Variants in FPR3 observed in about 807,000 individuals in gnomAD.
The protein encoded by FPR3 is N-formyl peptide receptor 3.
For missense variants in FPR3, 346 were observed against 443.2 expected, an observed-to-expected ratio of 0.78 and a Z score of 1.97; for synonymous variants, 135 against 163.6, an observed-to-expected ratio of 0.83 and a Z score of 1.34.
chr19:51,805,655 C>T lies in FPR3; in HGVS notation c.-11+10324C>T, dbSNP rs1171643822. On this transcript the variant is annotated intron_variant, in intron 1 of 1. Coordinates refer to ENST00000339223, the MANE Select transcript of FPR3 (RefSeq NM_002030.5). ...TCAACATTGCCACTTCAGTTTGTAA[C>T]TCAGTGTTAATTTTATTCTGAAGTA... 3.3e-5 allele frequency among the ~76,000 whole-genome samples: 5 copies of T among 152,204 alleles called. No individual in the cohort carries two copies. In the East Asian group the frequency reaches 9.6e-4, roughly 29 times the overall value.
At chr19:51,813,525 G>C (rs1321751120) in intron 1 of FPR3, among the ~76,000 whole-genome samples, 1 of 151,966 alleles carries the variant, frequency 6.6e-6, no homozygotes, top group Non-Finnish European at 1.5e-5. Context: ...TTATAAAGGA[G>C]GATGGGATGT....
At position 51,824,729 on chromosome 19, in the gene FPR3, G is replaced by A. The variant is rs748752225; in HGVS notation, c.981G>A (p.Glu327=). Residue 327 remains glutamate (E), a synonymous_variant, in exon 2 of 2, where the codon GAG becomes GAA. Transcript: ENST00000339223. The surrounding 1 kb of genome is among the most constrained non-coding windows in gnomAD (Gnocchi z 4.7). ...CTAGTTTGGAGAGGGCCCTGACTGAGGTCCCTGACTCAGCCCAGACCAGCA... is the reference window on the plus strand; with the variant it reads ...CTAGTTTGGAGAGGGCCCTGACTGAAGTCCCTGACTCAGCCCAGACCAGCA... The part of the protein sequence containing the change: ...LPTSLERALT[E]VPDSAQTSNT... 1.2e-6 allele frequency: 2 copies of A among 1,614,024 alleles called. No homozygotes were observed. Among genetic ancestry groups the A allele is most frequent in the Non-Finnish European group, 1.7e-6 (2 of 1,179,994 alleles).
At chr19:51,797,906 G>A (rs143662996) in intron 1 of FPR3, among the ~76,000 whole-genome samples, 947 of 26,686 alleles carry the variant, frequency 0.035, 12 homozygotes, top group African/African-American at 0.14. Flanking sequence ...TTTTTGAGAC[G>A]GAGTCTCGCT....
At position 51,824,814 on chromosome 19, in the gene FPR3, C is replaced by A. The variant is rs528323303; in HGVS notation, c.*4C>A. On this transcript the variant is annotated 3_prime_UTR_variant, in exon 2 of 2. Coordinates refer to ENST00000339223, the MANE Select transcript of FPR3 (RefSeq NM_002030.5). The surrounding 1 kb of genome is among the most constrained non-coding windows in gnomAD (Gnocchi z 4.7). ...GACGGAGTTACAAGCAATGTGAGGT[C>A]GGGGATATTTTTGGGCTCTGTCTCT... 4.4e-6 allele frequency: 7 copies of A among 1,597,844 alleles called. No individual in the cohort carries two copies. The highest frequency in any genetic ancestry group is 1.3e-5 in the African/African-American group (1 of 74,250).
At chr19:51,819,463 G>A (rs1270888751) in intron 1 of FPR3, among the ~76,000 whole-genome samples, 16 of 151,930 alleles carry the variant, frequency 1.1e-4, no homozygotes, top group Admixed American at 1.1e-3. Context: ...AACCAAGAGT[G>A]GATTGTGTGT....
intron 1 of FPR3, chr19:51,811,741 G>GT (rs1339089873): frequency 3.3e-5 from 5 of 152,208 alleles, no homozygotes; most frequent in Admixed American, 6.5e-5. Context: ...GGAAGAAGGA[G>GT]TTAGGGGGCA....
intron 1 of FPR3, among the ~76,000 whole-genome samples, chr19:51,819,908 A>T (rs1357673963): frequency 3.3e-5 from 5 of 152,224 alleles, no homozygotes; most frequent in Admixed American, 1.3e-4. Flanking sequence ...TTTAGCAGAA[A>T]GCAGAAGGAC....
chr19:51,809,728 A>G (rs1309766896), intron 1 of FPR3, among the ~76,000 whole-genome samples: 2 of 152,306 alleles, frequency 1.3e-5, no homozygotes, highest in East Asian at 3.9e-4. Flanking sequence ...AAGGTCCCCA[A>G]ATATCAGTGG....
chr19:51,803,014 T>C (rs1454139357), intron 1 of FPR3, among the ~76,000 whole-genome samples: 1 of 152,182 alleles, frequency 6.6e-6, no homozygotes, highest in Non-Finnish European at 1.5e-5. Flanking sequence ...TAAAATAGTG[T>C]CTGACATGTG....
At chr19:51,815,909 G>T (rs938394993) in intron 1 of FPR3, among the ~76,000 whole-genome samples, 1 of 150,320 alleles carries the variant, frequency 6.7e-6, no homozygotes, top group South Asian at 2.1e-4. Flanking sequence ...AAAAAGAAAA[G>T]AAAAGAAATT....
chr19:51,801,166 ACTTT>A (rs2084024949), intron 1 of FPR3, among the ~76,000 whole-genome samples: 1 of 77,456 alleles, frequency 1.3e-5, no homozygotes, highest in African/African-American at 3.1e-5. Context: ...GAAACTTTTA[ACTTT>A]AAGTATTGAG....
At chr19:51,819,438 T>C (rs1599839565) in intron 1 of FPR3, among the ~76,000 whole-genome samples, 1 of 152,190 alleles carries the variant, frequency 6.6e-6, no homozygotes, top group Non-Finnish European at 1.5e-5. Flanking sequence ...AGGTGGCCAA[T>C]TGAGCTGTAA....
intron 1 of FPR3, among the ~76,000 whole-genome samples, chr19:51,816,696 T>C (rs1289013375): frequency 6.6e-6 from 1 of 152,200 alleles, no homozygotes; most frequent in African/African-American, 2.4e-5. Context: ...GGTGGCCACA[T>C]GGGACTTGCA....
chr19:51,823,116 A>G (rs763322445), intron 1 of FPR3, among the ~76,000 whole-genome samples: 30 of 151,770 alleles, frequency 2.0e-4, no homozygotes, highest in Admixed American at 6.6e-4. Flanking sequence ...ACTCTCCTCA[A>G]CCTCCTAAAG....
intron 1 of FPR3, chr19:51,803,988 G>A (rs1251678263): frequency 6.6e-6 from 1 of 152,108 alleles, no homozygotes; most frequent in East Asian, 1.9e-4. Context: ...TAAAACGTTG[G>A]GGATCTCATC....
chr19:51,819,440 G>A lies in FPR3; in HGVS notation c.-10-4299G>A, dbSNP rs548501461. On this transcript the variant is annotated intron_variant, in intron 1 of 1. Transcript: ENST00000339223. ...CTGGACTGAAAAGAGGTGGCCAATT[G>A]AGCTGTAAAGACAACCAAGAGTGGA... 6.6e-5 allele frequency among the ~76,000 whole-genome samples: 10 copies of A among 152,276 alleles called. No homozygotes were observed. In the East Asian group the frequency reaches 1.7e-3, roughly 26 times the overall value.
rs766108887 is a variant in FPR3, at chr19:51,823,995, G to A, written c.247G>A (p.Val83Ile). Reference sequence around the variant, plus strand: ...CAGTGCCATCCTACCATTCCGAATGGTCTCAGTCGCCATGAGAGAAAAATG... The same window carrying A: ...CAGTGCCATCCTACCATTCCGAATGATCTCAGTCGCCATGAGAGAAAAATG... ...SFSAILPFRM[V>I]SVAMREKWPF... is the part of the protein sequence containing the mutation. The change falls in exon 2 of 2, where the codon GTC becomes ATC. Residue 83 changes from valine (V) to isoleucine (I), a missense_variant. By Grantham distance (29) the Val-to-Ile change is conservative. Transcript: ENST00000339223. 3.7e-6 allele frequency: 6 copies of A among 1,613,960 alleles called. No homozygotes were observed. In the African/African-American group the frequency reaches 8.0e-5, roughly 22 times the overall value.
At chr19:51,806,287 G>A (rs59974934) in intron 1 of FPR3, among the ~76,000 whole-genome samples, 1 of 152,054 alleles carries the variant, frequency 6.6e-6, no homozygotes, top group Non-Finnish European at 1.5e-5. Context: ...GCACCCACAT[G>A]GCTTGTCAAT....
chr19:51,814,451 C>G (rs2084119516), intron 1 of FPR3, among the ~76,000 whole-genome samples: 2 of 152,074 alleles, frequency 1.3e-5, no homozygotes, highest in South Asian at 4.2e-4. Flanking sequence ...CGGGTACTCT[C>G]TCATGCATCT....
Sources: allele counts gnomAD v4.1 joint callset (sites outside exome capture counted in the v4.1 genomes callset), GRCh38; gene constraint gnomAD v4.1.1; non-coding constraint Gnocchi (gnomAD v3.1); transcripts MANE v1.5; gene names NCBI Gene and HGNC (gene_info 2026-07-23, HGNC 2026-07-21).